MFAP1: variants seen among roughly 807,000 people sequenced by gnomAD.
MFAP1 encodes the protein microfibril associated protein 1.
A neutral mutation model predicts 62.2 loss-of-function variants in MFAP1; 18 were observed. The ratio of observed to expected loss-of-function variants is 0.29; its 90% CI spans 0.20 to 0.43. The LOEUF is 0.43. MFAP1 is among the 20% of genes least tolerant of loss of function. The pLI is 1.00. For synonymous variants in MFAP1, 175 were observed against 180.4 expected (o/e 0.97, Z 0.24); for missense variants, 355 against 559.7 (o/e 0.63, Z 3.69).
At chr15:43,806,277 T>G (rs1428972215) in intron 7 of MFAP1, among the ~76,000 whole-genome samples, 1 of 152,216 alleles carries the variant, frequency 6.6e-6, no homozygotes. Flanking sequence ...GATATTTTAT[T>G]GGGACTTGAA....
chr15:43,823,004 A>G (rs1055890854), intron 1 of MFAP1, among the ~76,000 whole-genome samples: 3 of 150,742 alleles, frequency 2.0e-5, no homozygotes, highest in African/African-American at 7.3e-5. Context: ...ACACCTGGCT[A>G]ATTTTTGTAT....
chr15:43,805,163 G>T lies in MFAP1; in HGVS notation c.1251C>A (p.Phe417Leu), dbSNP rs1273125504. Residue 417 changes from phenylalanine (F) to leucine (L), a missense_variant, in exon 9 of 9, where the codon TTC becomes TTA. This residue lies in a region of MFAP1 where 44 missense variants were observed against 80.8 expected (regional missense o/e 0.54). Transcript: ENST00000267812. The part of the protein sequence containing the change: ...GQESAQNTKF[F>L]KQKAAGVRDV... Reference sequence around the variant, plus strand: ...CTCGTACCCCAGCTGCCTTTTGTTTGAAGAACTTTGTGTTCTGGGCACTCT... The same window carrying T: ...CTCGTACCCCAGCTGCCTTTTGTTTTAAGAACTTTGTGTTCTGGGCACTCT... The T allele has an allele frequency of 1.2e-6, 2 of 1,602,872 alleles. No individual in the cohort carries two copies. Among genetic ancestry groups the T allele is most frequent in the Non-Finnish European group, 1.7e-6 (2 of 1,170,548 alleles).
intron 6 of MFAP1, among the ~76,000 whole-genome samples, chr15:43,812,529 C>T (rs1470231982): frequency 1.3e-5 from 2 of 152,204 alleles, no homozygotes; most frequent in African/African-American, 4.8e-5. Context: ...CTACTACTAA[C>T]ATGTGAGTGA....
chr15:43,814,472 G>A (rs376480958), intron 4 of MFAP1, 29 bp downstream of exon 4: 85 of 1,566,480 alleles, frequency 5.4e-5, no homozygotes, highest in Non-Finnish European at 7.2e-5. Context: ...TAATTAAGTG[G>A]ATTCAGATCT....
In MFAP1 at chr15:43,804,978, G is replaced by T; in HGVS notation, c.*116C>A. 1 of 1,138,036 alleles carries T rather than the reference G, an allele frequency of 8.8e-7. No homozygotes were observed. 70.5% of individuals were successfully genotyped at this position (1,138,036 alleles called of 1,614,324 possible). A position where few individuals can be genotyped will look rare whatever the true frequency, so the allele number is the denominator to read the frequency against. ...TGGGCTACCCAGTATCACAAGTATAGCAGTAAGTCCAATATCTGGATACAG... is the reference window on the plus strand; with the variant it reads ...TGGGCTACCCAGTATCACAAGTATATCAGTAAGTCCAATATCTGGATACAG... On this transcript the variant is annotated 3_prime_UTR_variant, in exon 9 of 9. Transcript: ENST00000267812.
At chr15:43,815,350 G>A (rs900693642) in intron 2 of MFAP1, among the ~76,000 whole-genome samples, 1 of 151,610 alleles carries the variant, frequency 6.6e-6, no homozygotes, top group Non-Finnish European at 1.5e-5. Context: ...GCTAATATTT[G>A]TATTTTTTGT....
At chr15:43,812,910 G>A (rs2141707673) in intron 6 of MFAP1, 77 bp downstream of exon 6, 3 of 1,497,678 alleles carry the variant, frequency 2.0e-6, no homozygotes, top group Middle Eastern at 1.8e-4. Context: ...CTCACAGTAG[G>A]TAATGAGTCT....
In MFAP1 at chr15:43,817,451, G is replaced by A. The variant is rs200345760; in HGVS notation, c.80-3C>T. The A allele has an allele frequency of 6.2e-6, 10 of 1,613,780 alleles. No homozygotes were observed. Among genetic ancestry groups the A allele is most frequent in the Non-Finnish European group, 8.5e-6 (10 of 1,179,940 alleles). On this transcript the variant is annotated splice_polypyrimidine_tract_variant and splice_region_variant and intron_variant, in intron 1 of 8. Transcript: ENST00000267812. The stretch of plus-strand genomic sequence containing the variant: ...CACTTTTTCCATTGAAATCTCACCT[G>A]GGCGAGAAAGGTAACTTATGTTTCA...
chr15:43,824,117 A>G (rs1438442466), intron 1 of MFAP1, among the ~76,000 whole-genome samples: 1 of 151,464 alleles, frequency 6.6e-6, no homozygotes, highest in Admixed American at 6.6e-5. Flanking sequence ...ATTATATGTA[A>G]TTAGTGATAT....
intron 2 of MFAP1, among the ~76,000 whole-genome samples, chr15:43,816,355 C>T (rs2087433863): frequency 1.3e-5 from 2 of 150,520 alleles, no homozygotes; most frequent in South Asian, 4.2e-4. Context: ...AAGCAATTCT[C>T]TGCCTCAGCC....
intron 2 of MFAP1, among the ~76,000 whole-genome samples, chr15:43,817,028 T>C (rs750047450): frequency 1.4e-4 from 21 of 152,358 alleles, no homozygotes; most frequent in Non-Finnish European, 2.9e-4. Flanking sequence ...TTTGGTCATG[T>C]AACTTTCTTA....
At chr15:43,806,203 T>C (rs969569325) in intron 7 of MFAP1, among the ~76,000 whole-genome samples, 2 of 152,202 alleles carry the variant, frequency 1.3e-5, no homozygotes, top group Non-Finnish European at 2.9e-5. Context: ...TGACTTCAAC[T>C]CTGCATAGGC....
chr15:43,805,328 C>T (rs1345718237), intron 8 of MFAP1, 48 bp downstream of exon 8: 1 of 1,603,226 alleles, frequency 6.2e-7, no homozygotes, highest in Admixed American at 1.7e-5. Flanking sequence ...CATGCCTCAG[C>T]TATCAATACA....
chr15:43,823,499 C>A (rs908602077), intron 1 of MFAP1, among the ~76,000 whole-genome samples: 1 of 151,818 alleles, frequency 6.6e-6, no homozygotes, highest in Admixed American at 6.6e-5. Context: ...GCCTCAGATT[C>A]CCAAGTAGCT....
intron 1 of MFAP1, among the ~76,000 whole-genome samples, chr15:43,820,457 C>T (rs1202390670): frequency 6.6e-6 from 1 of 152,000 alleles, no homozygotes; most frequent in Non-Finnish European, 1.5e-5. Context: ...AAGAAACTGC[C>T]ATAATTTGCA....
chr15:43,824,199 T>C (rs376827953), intron 1 of MFAP1, among the ~76,000 whole-genome samples: 2 of 151,264 alleles, frequency 1.3e-5, no homozygotes, highest in African/African-American at 2.4e-5. Context: ...ATATATATTC[T>C]GATATATACT....
chr15:43,805,612 C>G (rs1247753815), intron 7 of MFAP1, 147 bp from the exon 8 acceptor site: 2 of 629,602 alleles, frequency 3.2e-6, no homozygotes, highest in Non-Finnish European at 5.2e-6. Flanking sequence ...GAAGAGATGA[C>G]ATTCTTTTTT....
At chr15:43,808,663 C>T (rs979032584) in intron 7 of MFAP1, among the ~76,000 whole-genome samples, 5 of 152,212 alleles carry the variant, frequency 3.3e-5, no homozygotes, top group Non-Finnish European at 7.3e-5. Context: ...GCTACATCTG[C>T]TGGAAAACTA....
At chr15:43,819,650 G>C (rs1483486452) in intron 1 of MFAP1, among the ~76,000 whole-genome samples, 3 of 152,100 alleles carry the variant, frequency 2.0e-5, no homozygotes, top group African/African-American at 7.2e-5. Context: ...CCCTGCCTCA[G>C]GCTCCTGAGT....
Sources: allele counts gnomAD v4.1 joint callset (sites outside exome capture counted in the v4.1 genomes callset), GRCh38; gene constraint gnomAD v4.1.1; regional missense constraint gnomAD v4.1.1; transcripts MANE v1.5; gene names NCBI Gene and HGNC (gene_info 2026-07-23, HGNC 2026-07-21).